The following EXOC6B variants were observed in gnomAD, a reference collection of about 807,000 sequenced individuals.
EXOC6B encodes SEC15 homolog B.
EXOC6B carries 54 observed loss-of-function variants against 113.5 expected under a neutral mutation model. The ratio of observed to expected loss-of-function variants is 0.48; its 90% CI spans 0.38 to 0.60. The LOEUF (loss-of-function observed/expected upper bound fraction) is 0.60. Among genes scored for constraint, EXOC6B ranks in the 20% least tolerant of loss-of-function variants. EXOC6B has a pLI of 0.00. For missense variants in EXOC6B, 797 were observed against 977.5 expected, an observed-to-expected ratio of 0.82 and a Z score of 2.46; for synonymous variants, 357 against 339.0, an observed-to-expected ratio of 1.05 and a Z score of -0.58.
At position 72,550,928 on chromosome 2, in the gene EXOC6B, T is replaced by A. The variant is rs199676453; in HGVS notation, c.915+8525A>T. 1.5e-4 allele frequency among the ~76,000 whole-genome samples: 22 copies of A among 150,600 alleles called. No individual in the cohort carries two copies. In the South Asian group the frequency reaches 1.5e-3, roughly 10 times the overall value. On this transcript the variant is annotated intron_variant, in intron 8 of 21. Transcript: ENST00000272427. ...CATTTATTTTTTTTTTATTTTTTTT[T>A]TTTTTTTTGAGACGGAGTCTCACCC...
At chr2:72,630,893 T>C (rs1406290335) in intron 6 of EXOC6B, among the ~76,000 whole-genome samples, 1 of 152,146 alleles carries the variant, frequency 6.6e-6, no homozygotes, top group Non-Finnish European at 1.5e-5. Context: ...GAAGTAGCAA[T>C]ATGAGTAATC....
chr2:72,549,785 A>G (rs1439444342), intron 8 of EXOC6B, among the ~76,000 whole-genome samples: 1 of 152,212 alleles, frequency 6.6e-6, no homozygotes, highest in African/African-American at 2.4e-5. Context: ...AAGTGGGACA[A>G]GGGTAAAACC....
At chr2:72,455,822 A>T (rs1481269191) in intron 18 of EXOC6B, among the ~76,000 whole-genome samples, 18 of 152,070 alleles carry the variant, frequency 1.2e-4, no homozygotes, top group Admixed American at 9.2e-4. Flanking sequence ...AGACACACAG[A>T]GAGAGAGAAA....
chr2:72,568,221 G>A (rs1411465366), intron 7 of EXOC6B, among the ~76,000 whole-genome samples: 1 of 151,960 alleles, frequency 6.6e-6, no homozygotes, highest in Non-Finnish European at 1.5e-5. Context: ...GATATTAAGG[G>A]AGACTAAACA....
At chr2:72,236,571 T>A (rs539014251) in intron 20 of EXOC6B, among the ~76,000 whole-genome samples, 1 of 152,184 alleles carries the variant, frequency 6.6e-6, no homozygotes, top group African/African-American at 2.4e-5. Flanking sequence ...AACTTCATGC[T>A]GGCACTGTCC....
intron 20 of EXOC6B, among the ~76,000 whole-genome samples, chr2:72,193,067 A>G (rs1419326258): frequency 6.6e-6 from 1 of 152,182 alleles, no homozygotes; most frequent in Non-Finnish European, 1.5e-5. Flanking sequence ...ACAGGATGAA[A>G]CTAATTACAT....
chr2:72,318,308 C>G (rs1687645374), intron 20 of EXOC6B, among the ~76,000 whole-genome samples: 1 of 152,142 alleles, frequency 6.6e-6, no homozygotes, highest in Non-Finnish European at 1.5e-5. Flanking sequence ...TTTCTAATGG[C>G]ACAGCAATAC....
intron 20 of EXOC6B, among the ~76,000 whole-genome samples, chr2:72,211,306 CT>C (rs1271678854): frequency 2.0e-5 from 3 of 152,122 alleles, no homozygotes; most frequent in Non-Finnish European, 4.4e-5. Flanking sequence ...AGTTCTGAAA[CT>C]TACTTTCTAT....
chr2:72,737,467 G>A (rs886330243), intron 2 of EXOC6B, among the ~76,000 whole-genome samples: 1 of 152,146 alleles, frequency 6.6e-6, no homozygotes, highest in Non-Finnish European at 1.5e-5. Flanking sequence ...CTTGAATAGT[G>A]TCTATGAGAA....
chr2:72,389,961 G>T (rs1692268286), intron 18 of EXOC6B, among the ~76,000 whole-genome samples: 1 of 152,000 alleles, frequency 6.6e-6, no homozygotes, highest in South Asian at 2.1e-4. Context: ...TGTCCCCCAA[G>T]AATCTCAGGT....
chr2:72,361,750 C>T (rs1365881955), intron 19 of EXOC6B, among the ~76,000 whole-genome samples: 1 of 152,194 alleles, frequency 6.6e-6, no homozygotes, highest in Non-Finnish European at 1.5e-5. Context: ...AAACATCTCA[C>T]ACCTGAGTCA....
At chr2:72,793,243 T>C (rs1304571938) in intron 1 of EXOC6B, among the ~76,000 whole-genome samples, 1 of 152,108 alleles carries the variant, frequency 6.6e-6, no homozygotes, top group Admixed American at 6.6e-5. Context: ...ACACAAAGGG[T>C]ACATAAAGAA....
intron 1 of EXOC6B, among the ~76,000 whole-genome samples, chr2:72,791,068 T>G (rs1684649229): frequency 6.6e-6 from 1 of 152,226 alleles, no homozygotes; most frequent in Non-Finnish European, 1.5e-5. Context: ...ATTTAGTGTA[T>G]ATTTTCAATA....
intron 18 of EXOC6B, among the ~76,000 whole-genome samples, chr2:72,448,708 G>A (rs1696732853): frequency 6.6e-6 from 1 of 152,102 alleles, no homozygotes; most frequent in Admixed American, 6.6e-5. Flanking sequence ...TTGGTTTGGA[G>A]CATCTGGTTA....
At chr2:72,362,402 A>G (rs1157281139) in intron 19 of EXOC6B, among the ~76,000 whole-genome samples, 5 of 152,160 alleles carry the variant, frequency 3.3e-5, no homozygotes, top group Admixed American at 6.6e-5. Flanking sequence ...TTAACATTGT[A>G]GACCATAAAT....
At chr2:72,585,537 C>T (rs1394462925) in intron 6 of EXOC6B, among the ~76,000 whole-genome samples, 1 of 150,634 alleles carries the variant, frequency 6.6e-6, no homozygotes, top group Non-Finnish European at 1.5e-5. Context: ...GCAGAGGGTG[C>T]AGTGATCCGA....
intron 1 of EXOC6B, among the ~76,000 whole-genome samples, chr2:72,750,323 T>A (rs769882930): frequency 2.0e-5 from 3 of 152,070 alleles, no homozygotes; most frequent in Non-Finnish European, 4.4e-5. Flanking sequence ...AGGATGAAGT[T>A]CCATGAACCG....
intron 6 of EXOC6B, among the ~76,000 whole-genome samples, chr2:72,596,766 T>C (rs1670098855): frequency 6.6e-6 from 1 of 151,708 alleles, no homozygotes; most frequent in African/African-American, 2.4e-5. Flanking sequence ...GAAAGAGCTA[T>C]AAAACACTGT....
intron 1 of EXOC6B, among the ~76,000 whole-genome samples, chr2:72,822,677 T>G (rs1373176168): frequency 4.3e-5 from 1 of 23,306 alleles, no homozygotes; most frequent in African/African-American, 1.5e-4. Context: ...GCAGGTATTT[T>G]AGGGATATAC....
Sources: allele counts gnomAD v4.1 joint callset (sites outside exome capture counted in the v4.1 genomes callset), GRCh38; gene constraint gnomAD v4.1.1; transcripts MANE v1.5; gene names NCBI Gene and HGNC (gene_info 2026-07-23, HGNC 2026-07-21).